Variants in TMEM163 observed in about 807,000 individuals in gnomAD.
The protein encoded by TMEM163 is transmembrane protein 163.
TMEM163 carries 17 observed loss-of-function variants against 29.3 expected under a neutral mutation model. The observed-to-expected ratio is 0.58, with a 90% CI of 0.40 to 0.87. The LOEUF (loss-of-function observed/expected upper bound fraction) is 0.87, where lower values mean the gene tolerates loss of function less well. Among genes scored for constraint, TMEM163 ranks in the 40% least tolerant of loss-of-function variants. The probability of loss-of-function intolerance (pLI) is 0.00; values close to 1 mark genes in which losing one functional copy is unlikely to be tolerated. For missense variants in TMEM163, 303 were observed against 381.5 expected (o/e 0.79, Z 1.71); for synonymous variants, 157 against 160.6 (o/e 0.98, Z 0.17).
At chr2:134,480,777 C>G (rs1165383107) in intron 5 of TMEM163, among the ~76,000 whole-genome samples, 1 of 152,168 alleles carries the variant, frequency 6.6e-6, no homozygotes, top group Non-Finnish European at 1.5e-5. Flanking sequence ...GAATAAAACT[C>G]ATTGTGCTCG....
Position 134,585,698 on chromosome 2 carries a change from C to T in TMEM163, c.323-33607G>A, listed in dbSNP as rs542961465. 6.6e-5 allele frequency among the ~76,000 whole-genome samples: 10 copies of T among 150,720 alleles called. No homozygotes were observed. The East Asian group carries it at 7.9e-4, about 12-fold the overall frequency. On this transcript the variant is annotated intron_variant, in intron 2 of 7. Coordinates refer to ENST00000281924, the MANE Select transcript of TMEM163 (RefSeq NM_030923.5). ...CGGAGCTTGCAGTGAGTCTAGATCG[C>T]GCCACTGCACTCCAGCCTGGGCGAC...
intron 2 of TMEM163, among the ~76,000 whole-genome samples, chr2:134,646,519 A>G (rs1051166695): frequency 6.6e-6 from 1 of 151,968 alleles, no homozygotes; most frequent in Non-Finnish European, 1.5e-5. Flanking sequence ...ATCTTGGCTC[A>G]CTGCAACCTC....
chr2:134,488,209 G>A (rs1679352584), intron 5 of TMEM163, among the ~76,000 whole-genome samples: 1 of 152,228 alleles, frequency 6.6e-6, no homozygotes, highest in Non-Finnish European at 1.5e-5. Flanking sequence ...GTGTCTGTGA[G>A]GGTGTTCACA....
chr2:134,613,507 A>G (rs1369540885), intron 2 of TMEM163, among the ~76,000 whole-genome samples: 1 of 152,218 alleles, frequency 6.6e-6, no homozygotes, highest in Admixed American at 6.5e-5. Context: ...TTTGAAAAAC[A>G]AGAGAAAAAT....
intron 2 of TMEM163, among the ~76,000 whole-genome samples, chr2:134,605,024 A>G (rs1234842390): frequency 6.6e-6 from 1 of 151,992 alleles, no homozygotes; most frequent in Admixed American, 6.5e-5. Context: ...TACTAAATAT[A>G]CAAAATTAGC....
At chr2:134,490,584 G>C (rs1574172388) in intron 5 of TMEM163, among the ~76,000 whole-genome samples, 1 of 152,262 alleles carries the variant, frequency 6.6e-6, no homozygotes, top group East Asian at 1.9e-4. Context: ...CATTTTAATA[G>C]GATTACTGAA....
chr2:134,459,655 G>T (rs1686489645), intron 6 of TMEM163, among the ~76,000 whole-genome samples: 1 of 148,700 alleles, frequency 6.7e-6, no homozygotes, highest in Non-Finnish European at 1.5e-5. Flanking sequence ...TCCTCCCCCA[G>T]CCCTTCCCAA....
chr2:134,564,144 G>C (rs1291244028), intron 2 of TMEM163, among the ~76,000 whole-genome samples: 1 of 152,162 alleles, frequency 6.6e-6, no homozygotes, highest in Non-Finnish European at 1.5e-5. Flanking sequence ...GTCACTACCA[G>C]ATACGAAGAT....
At chr2:134,700,767 C>T (rs1684681827) in intron 2 of TMEM163, among the ~76,000 whole-genome samples, 1 of 151,948 alleles carries the variant, frequency 6.6e-6, no homozygotes, top group South Asian at 2.1e-4. Context: ...GGCGTGGTGT[C>T]AGGTGACTGT....
At position 134,561,349 on chromosome 2, in the gene TMEM163, A is replaced by G. The variant is rs969223134; in HGVS notation, c.323-9258T>C. ...CTCCCGAGTAGCTGGGACTACAGGC[A>G]CCCACCACCACACCCGGCTAATTTT... On this transcript the variant is annotated intron_variant, in intron 2 of 7. Coordinates refer to ENST00000281924, the MANE Select transcript of TMEM163 (RefSeq NM_030923.5). 6.6e-5 allele frequency among the ~76,000 whole-genome samples: 10 copies of G among 151,750 alleles called. No homozygotes were observed. In the South Asian group the frequency reaches 1.3e-3, roughly 19 times the overall value.
chr2:134,486,437 C>T (rs912918011), intron 5 of TMEM163, among the ~76,000 whole-genome samples: 1 of 152,092 alleles, frequency 6.6e-6, no homozygotes, highest in Non-Finnish European at 1.5e-5. Flanking sequence ...GGCAAGGTTG[C>T]TTGAGAGAGA....
intron 2 of TMEM163, among the ~76,000 whole-genome samples, chr2:134,601,546 T>C (rs1419338296): frequency 6.6e-6 from 1 of 152,244 alleles, no homozygotes; most frequent in African/African-American, 2.4e-5. Flanking sequence ...CAAAGGCAAT[T>C]CGGCAGGGCT....
intron 2 of TMEM163, among the ~76,000 whole-genome samples, chr2:134,704,728 C>G (rs1272243725): frequency 6.6e-6 from 1 of 152,296 alleles, no homozygotes; most frequent in East Asian, 1.9e-4. Flanking sequence ...TCTTCCCCTC[C>G]TCAGCCCACA....
chr2:134,468,436 C>T (rs1686716733), intron 5 of TMEM163: 1 of 152,224 alleles, frequency 6.6e-6, no homozygotes, highest in Non-Finnish European at 1.5e-5. Flanking sequence ...GGTTTATAAG[C>T]CACCCAGTCT....
At chr2:134,507,336 C>T (rs932529364) in intron 4 of TMEM163, among the ~76,000 whole-genome samples, 1 of 148,946 alleles carries the variant, frequency 6.7e-6, no homozygotes, top group Non-Finnish European at 1.5e-5. Flanking sequence ...AACTCTACCT[C>T]TAAATAAATA....
intron 2 of TMEM163, among the ~76,000 whole-genome samples, chr2:134,552,996 G>A (rs1263649033): frequency 6.6e-6 from 1 of 152,134 alleles, no homozygotes; most frequent in Middle Eastern, 3.2e-3. Flanking sequence ...CGTCAATTGG[G>A]TAGCACTTTT....
chr2:134,709,364 G>A (rs1368896578), intron 2 of TMEM163, among the ~76,000 whole-genome samples: 1 of 152,126 alleles, frequency 6.6e-6, no homozygotes, highest in Non-Finnish European at 1.5e-5. Context: ...ATCAAAAATA[G>A]TTCACATTAA....
intron 2 of TMEM163, among the ~76,000 whole-genome samples, chr2:134,641,793 G>A (rs1683225948): frequency 6.6e-6 from 1 of 151,988 alleles, no homozygotes; most frequent in Non-Finnish European, 1.5e-5. Flanking sequence ...GAGGCTATAA[G>A]GATTGCATTT....
chr2:134,661,649 T>TCACAATACATAGTCCATGAGAGCAGCCAC (rs1683753575), intron 2 of TMEM163, among the ~76,000 whole-genome samples: 1 of 152,128 alleles, frequency 6.6e-6, no homozygotes, highest in Admixed American at 6.5e-5. Context: ...AGAGCAGCCA[T>TCACAATACATAGTCCATGAGAGCAGCCAC]TCACAATACA....
Sources: gnomAD v4.1 joint callset for allele counts (sites outside exome capture counted in the v4.1 genomes callset) on GRCh38, gnomAD v4.1.1 for gene constraint, MANE v1.5 for transcripts, NCBI Gene and HGNC (gene_info 2026-07-23, HGNC 2026-07-21) for gene names.